Variants in FGF5 observed in about 807,000 individuals in gnomAD.
The protein encoded by FGF5 is fibroblast growth factor 5.
FGF5 carries 23 observed loss-of-function variants against 21.8 expected under a neutral mutation model. That is an observed-to-expected ratio of 1.05 (90% CI 0.76 to 1.49). FGF5 has a LOEUF of 1.49. FGF5 is among the 40% of genes most tolerant of loss of function. FGF5 has a pLI of 0.00. For missense variants in FGF5, 352 were observed against 332.9 expected (o/e 1.06, Z -0.45); for synonymous variants, 158 against 124.0 (o/e 1.27, Z -1.82).
intron 1 of FGF5, chr4:80,268,429 C>T (rs1578290195): frequency 1.0e-6 from 1 of 954,068 alleles, no homozygotes; most frequent in East Asian, 1.2e-4. Flanking sequence ...ATGTTCCTAA[C>T]TTGCTCCATC....
At chr4:80,281,788 T>A (rs752859600) in intron 2 of FGF5, among the ~76,000 whole-genome samples, 79 of 152,206 alleles carry the variant, frequency 5.2e-4, no homozygotes, top group Non-Finnish European at 1.0e-3. Flanking sequence ...TTATTTGGTT[T>A]AATTGACCTG....
intron 2 of FGF5, among the ~76,000 whole-genome samples, chr4:80,285,753 G>T (rs919403438): frequency 6.6e-6 from 1 of 152,066 alleles, no homozygotes; most frequent in African/African-American, 2.4e-5. Context: ...GTAAAGATAC[G>T]TTATTTTTTT....
Position 80,290,031 on chromosome 4 carries a change from G to A in FGF5, c.*3359G>A, listed in dbSNP as rs1578301693. Reference sequence around the variant, plus strand: ...TAACATTTTTTACCCTTCCATAGAAGGGAGGGAATAAATCATGACTTATCC... The same window carrying A: ...TAACATTTTTTACCCTTCCATAGAAAGGAGGGAATAAATCATGACTTATCC... On this transcript the variant is annotated 3_prime_UTR_variant, in exon 3 of 3. Coordinates refer to ENST00000312465, the MANE Select transcript of FGF5 (RefSeq NM_004464.4). 6.6e-6 allele frequency: 1 copy of A among 152,102 alleles called. No individual in the cohort carries two copies. The highest frequency in any genetic ancestry group is 1.9e-4 in the East Asian group (1 of 5,176). 9.4% of individuals were successfully genotyped at this position (152,102 alleles called of 1,614,324 possible). A position where few individuals can be genotyped will look rare whatever the true frequency, so the allele number is the denominator to read the frequency against.
chr4:80,281,295 G>C (rs1471369632), intron 2 of FGF5, among the ~76,000 whole-genome samples: 2 of 152,050 alleles, frequency 1.3e-5, no homozygotes, highest in African/African-American at 2.4e-5. Flanking sequence ...GAACCAAGCA[G>C]GTCTAAAAGG....
At position 80,286,240 on chromosome 4, in the gene FGF5, T is replaced by G. The variant is rs188156032; in HGVS notation, c.460-85T>G. 1.5e-4 allele frequency: 137 copies of G among 927,150 alleles called. 2 individuals carry two copies. The East Asian group carries it at 1.5e-3, about 10-fold the overall frequency. 57.4% of individuals were successfully genotyped at this position (927,150 alleles called of 1,614,324 possible). ...GGAACAGAGATCAACAAAATTATTG[T>G]TTTTTTTTCTACAATACCTTATGTT... On this transcript the variant is annotated intron_variant, in intron 2 of 2. Transcript: ENST00000312465.
chr4:80,278,536 G>T (rs1452737682), intron 2 of FGF5, among the ~76,000 whole-genome samples: 2 of 152,110 alleles, frequency 1.3e-5, no homozygotes, highest in Admixed American at 1.3e-4. Context: ...ACAGAAAAGA[G>T]ATCTGTTTTG....
In FGF5 at chr4:80,266,981, G is replaced by A. The variant is rs1358449271; in HGVS notation, c.157G>A (p.Ala53Thr). The change falls in exon 1 of 3, where the codon GCT becomes ACT. Residue 53 changes from alanine to threonine, a missense_variant. Physicochemically the swap from Ala to Thr is moderately conservative, Grantham distance 58. Transcript: ENST00000312465. ...GSSSRQSSSSAMSSSSASSSP... is the reference protein window; with the variant it reads ...GSSSRQSSSSTMSSSSASSSP... The stretch of plus-strand genomic sequence containing the variant: ...CAGCAGCAGACAGAGCAGCAGTAGC[G>A]CTATGTCTTCCTCTTCTGCCTCCTC... 2.5e-6 allele frequency: 4 copies of A among 1,614,242 alleles called. No homozygotes were observed. The highest frequency in any genetic ancestry group is 3.4e-6 in the Non-Finnish European group (4 of 1,180,044).
rs1006292956 is a variant in FGF5 at position 80,290,491 on chromosome 4, C to G, written c.*3819C>G. The G allele has an allele frequency of 2.6e-5, 4 of 152,248 alleles. No individual in the cohort carries two copies. The highest frequency in any genetic ancestry group is 2.0e-4 in the Admixed American group (3 of 15,284). 9.4% of individuals were successfully genotyped at this position (152,248 alleles called of 1,614,324 possible). On this transcript the variant is annotated 3_prime_UTR_variant, in exon 3 of 3. Transcript: ENST00000312465. ...AAAGGGAACAAGATGCTGATCCAACCTGAGTGGAGTCAGGTGAGGCATCTT... is the reference window on the plus strand; with the variant it reads ...AAAGGGAACAAGATGCTGATCCAACGTGAGTGGAGTCAGGTGAGGCATCTT...
intron 1 of FGF5, among the ~76,000 whole-genome samples, chr4:80,267,733 G>GTAGATAGATAGATAGATAGATGA (rs1553910469): frequency 5.3e-5 from 8 of 151,066 alleles, no homozygotes; most frequent in Non-Finnish European, 8.8e-5. Context: ...ATACACATAG[G>GTAGATAGATAGATAGATAGATGA]TAGATAGATA....
At position 80,266,982 on chromosome 4, in the gene FGF5, C is replaced by A. The variant is rs1560496382; in HGVS notation, c.158C>A (p.Ala53Asp). The change falls in exon 1 of 3, where the codon GCT becomes GAT. Residue 53 changes from alanine to aspartate, a missense_variant. Ala to Asp is a moderately radical substitution (Grantham distance 126, BLOSUM62 -2). Coordinates refer to ENST00000312465, the MANE Select transcript of FGF5 (RefSeq NM_004464.4). ...AGCAGCAGACAGAGCAGCAGTAGCG[C>A]TATGTCTTCCTCTTCTGCCTCCTCC... ...GSSSRQSSSS[A>D]MSSSSASSSP... 1 of 1,614,236 alleles carries A rather than the reference C, an allele frequency of 6.2e-7. No individual in the cohort carries two copies. The highest frequency in any genetic ancestry group is 1.7e-5 in the Admixed American group (1 of 60,032).
chr4:80,283,706 CAG>C (rs1323106419), intron 2 of FGF5, among the ~76,000 whole-genome samples: 2 of 151,516 alleles, frequency 1.3e-5, no homozygotes, highest in Non-Finnish European at 2.9e-5. Context: ...TTTTGTGAAA[CAG>C]AGCTGGAAGT....
At chr4:80,284,647 G>T (rs35265667) in intron 2 of FGF5, among the ~76,000 whole-genome samples, 15,125 of 152,168 alleles carry the variant, frequency 0.099, 919 homozygotes, top group African/African-American at 0.17. Context: ...TACATAAAGT[G>T]AATGTGCTGT....
At chr4:80,270,612 T>C (rs1376237463) in intron 1 of FGF5, among the ~76,000 whole-genome samples, 1 of 152,246 alleles carries the variant, frequency 6.6e-6, no homozygotes, top group Non-Finnish European at 1.5e-5. Flanking sequence ...GCAAGATAGA[T>C]GACCCAACTA....
intron 1 of FGF5, among the ~76,000 whole-genome samples, chr4:80,273,481 A>G (rs1207191938): frequency 1.3e-5 from 2 of 152,202 alleles, no homozygotes; most frequent in Non-Finnish European, 2.9e-5. Flanking sequence ...ACTCACATAT[A>G]TTTATAAAAT....
At chr4:80,270,828 T>TGTTAC (rs1720252218) in intron 1 of FGF5, among the ~76,000 whole-genome samples, 1 of 152,246 alleles carries the variant, frequency 6.6e-6, no homozygotes, top group Non-Finnish European at 1.5e-5. Flanking sequence ...GAATCGTCGA[T>TGTTAC]GTTACTGCTT....
intron 2 of FGF5, among the ~76,000 whole-genome samples, chr4:80,285,365 C>T (rs1342431807): frequency 6.6e-6 from 1 of 152,160 alleles, no homozygotes. Flanking sequence ...CTTTCAACAC[C>T]CTGTTCCTTC....
chr4:80,267,476 G>A (rs1042626694), intron 1 of FGF5, among the ~76,000 whole-genome samples: 6 of 152,182 alleles, frequency 3.9e-5, no homozygotes, highest in African/African-American at 7.2e-5. Flanking sequence ...CGAGTCCCCA[G>A]CCATGACAGG....
intron 1 of FGF5, among the ~76,000 whole-genome samples, chr4:80,271,368 C>T (rs376093713): frequency 1.4e-5 from 2 of 145,830 alleles, no homozygotes; most frequent in African/African-American, 5.4e-5. Flanking sequence ...CCTTCTTCAG[C>T]CTAGGTGTCA....
rs1390132262 is a variant in FGF5 at position 80,290,732 on chromosome 4, C to T, written c.*4060C>T. On this transcript the variant is annotated 3_prime_UTR_variant, in exon 3 of 3. Transcript: ENST00000312465. ...GGCCCCGGTATGTGATGTTCCCCTT[C>T]GTGTGTCCATGTGTTCTTATTGTTC... 13 of 152,154 alleles carry T rather than the reference C, an allele frequency of 8.5e-5. No homozygotes were observed. Among genetic ancestry groups the T allele is most frequent in the Admixed American group, 2.6e-4 (4 of 15,278 alleles). 9.4% of individuals were successfully genotyped at this position (152,154 alleles called of 1,614,324 possible).
Sources: gnomAD v4.1 joint callset for allele counts (sites outside exome capture counted in the v4.1 genomes callset) on GRCh38, gnomAD v4.1.1 for gene constraint, MANE v1.5 for transcripts, NCBI Gene and HGNC (gene_info 2026-07-23, HGNC 2026-07-21) for gene names.